Variants in SUPT3H observed in about 807,000 individuals in gnomAD.
The protein encoded by SUPT3H is transcription initiation protein SPT3 homolog.
In SUPT3H, 44 loss-of-function variants were observed where a neutral mutation model predicts 44.3. The ratio of observed to expected loss-of-function variants is 0.99; its 90% CI spans 0.78 to 1.28. The LOEUF (loss-of-function observed/expected upper bound fraction) is 1.28, where lower values mean the gene tolerates loss of function less well. SUPT3H is among the 50% of genes most tolerant of loss of function. The pLI is 0.00. For synonymous variants in SUPT3H, 124 were observed against 125.6 expected, an observed-to-expected ratio of 0.99 and a Z score of 0.09; for missense variants, 380 against 387.1, an observed-to-expected ratio of 0.98 and a Z score of 0.15.
chr6:45,011,676 C>T (rs1421794565), intron 5 of SUPT3H, among the ~76,000 whole-genome samples: 2 of 152,002 alleles, frequency 1.3e-5, no homozygotes. Flanking sequence ...TACAATTATA[C>T]TATCTCTTAT....
intron 10 of SUPT3H, among the ~76,000 whole-genome samples, chr6:44,913,986 T>G (rs563580201): frequency 1.1e-4 from 16 of 152,192 alleles, no homozygotes; most frequent in African/African-American, 3.8e-4. Context: ...AATAGTCACA[T>G]GAGTAAAATC....
chr6:45,219,064 A>G (rs2153634476), intron 2 of SUPT3H, among the ~76,000 whole-genome samples: 1 of 152,286 alleles, frequency 6.6e-6, no homozygotes, highest in Non-Finnish European at 1.5e-5. Context: ...GAATGAAAAT[A>G]AAAAGACAAC....
At chr6:45,145,570 A>T (rs1805913689) in intron 2 of SUPT3H, among the ~76,000 whole-genome samples, 1 of 152,170 alleles carries the variant, frequency 6.6e-6, no homozygotes, top group African/African-American at 2.4e-5. Flanking sequence ...GGATTCCAGA[A>T]AATAACATTA....
At chr6:45,080,060 T>C (rs1370894250) in intron 3 of SUPT3H, among the ~76,000 whole-genome samples, 1 of 151,758 alleles carries the variant, frequency 6.6e-6, no homozygotes, top group African/African-American at 2.4e-5. Flanking sequence ...CTCACAAGGG[T>C]TCAATAACCA....
chr6:45,205,672 C>T (rs1763114296), intron 2 of SUPT3H, among the ~76,000 whole-genome samples: 1 of 152,014 alleles, frequency 6.6e-6, no homozygotes, highest in South Asian at 2.1e-4. Context: ...TGGCAAGTGC[C>T]TGTAATCCTA....
At chr6:44,971,481 G>C (rs1233242432) in intron 6 of SUPT3H, among the ~76,000 whole-genome samples, 1 of 152,148 alleles carries the variant, frequency 6.6e-6, no homozygotes, top group Non-Finnish European at 1.5e-5. Context: ...TGGCAGGAAG[G>C]AGAAGTGCCA....
chr6:45,155,126 C>T (rs534424425), intron 2 of SUPT3H, among the ~76,000 whole-genome samples: 14 of 152,254 alleles, frequency 9.2e-5, no homozygotes, highest in African/African-American at 3.1e-4. Context: ...CTCTAACTTC[C>T]TATTTCAAAT....
In SUPT3H at chr6:45,320,722, C is replaced by T. The variant is rs531280119; in HGVS notation, c.101+44479G>A. ...CCCACAAAGCCAAAAATATTTACTA[C>T]CTGGCCTTTTAGAAAAAGTGTGTCA... On this transcript the variant is annotated intron_variant, in intron 2 of 10. Transcript: ENST00000371459. Among the ~76,000 whole-genome samples the T allele has an allele frequency of 3.9e-5, 6 of 152,262 alleles. No individual in the cohort carries two copies. In the South Asian group the frequency reaches 1.0e-3, roughly 26 times the overall value.
intron 2 of SUPT3H, among the ~76,000 whole-genome samples, chr6:45,203,431 A>G (rs1762728361): frequency 6.6e-6 from 1 of 152,162 alleles, no homozygotes; most frequent in Non-Finnish European, 1.5e-5. Context: ...ACCACCTGTT[A>G]TTCAGACTAT....
intron 6 of SUPT3H, among the ~76,000 whole-genome samples, chr6:44,972,430 T>G (rs1582835284): frequency 6.6e-6 from 1 of 152,182 alleles, no homozygotes; most frequent in Non-Finnish European, 1.5e-5. Flanking sequence ...TGTGGCTTTG[T>G]AGGGCACAGC....
rs377621389 is a variant in SUPT3H at position 44,839,924 on chromosome 6, TCTC to T, written c.913-10070_913-10068del. On this transcript the variant is annotated intron_variant, in intron 10 of 10. Coordinates refer to ENST00000371459, the MANE Select transcript of SUPT3H (RefSeq NM_003599.4). The stretch of plus-strand genomic sequence containing the variant: ...ACCGTGTTAGCCAGGATGGTCTCGA[TCTC>T]CTGACCTCGTGATCCGCCCGCCTTG... Among the ~76,000 whole-genome samples the T allele has an allele frequency of 0.011, 1,712 of 149,834 alleles. 92 individuals carry two copies. The East Asian group carries it at 0.13, about 11-fold the overall frequency.
At chr6:44,851,582 G>C (rs3799971) in intron 10 of SUPT3H, among the ~76,000 whole-genome samples, 63,528 of 151,990 alleles carry the variant, frequency 0.42, 13,632 homozygotes, top group East Asian at 0.7. Flanking sequence ...AGGTCTCCTT[G>C]GAGAAACTTG....
chr6:44,987,760 G>A (rs1005571732), intron 6 of SUPT3H, among the ~76,000 whole-genome samples: 10 of 151,986 alleles, frequency 6.6e-5, no homozygotes, highest in Non-Finnish European at 1.2e-4. Context: ...AATGTATGTC[G>A]GTGCTCTGGT....
At chr6:45,068,608 AATC>A (rs1793836332) in intron 3 of SUPT3H, among the ~76,000 whole-genome samples, 1 of 152,204 alleles carries the variant, frequency 6.6e-6, no homozygotes, top group Non-Finnish European at 1.5e-5. Flanking sequence ...TATTTTTGGC[AATC>A]ATAAGATACT....
intron 10 of SUPT3H, among the ~76,000 whole-genome samples, chr6:44,912,861 C>A (rs535591846): frequency 1.3e-5 from 2 of 152,288 alleles, no homozygotes; most frequent in African/African-American, 2.4e-5. Flanking sequence ...GGTGAGGAGG[C>A]ACCATAGATG....
intron 2 of SUPT3H, among the ~76,000 whole-genome samples, chr6:45,271,605 C>T (rs563644579): frequency 2.0e-5 from 3 of 152,166 alleles, no homozygotes; most frequent in East Asian, 1.9e-4. Context: ...GCAGTAGGGG[C>T]AGGGCCCTCA....
At chr6:45,369,430 T>G (rs1382943210) in intron 1 of SUPT3H, among the ~76,000 whole-genome samples, 2 of 152,312 alleles carry the variant, frequency 1.3e-5, no homozygotes, top group Non-Finnish European at 2.9e-5. Flanking sequence ...ATTAAATTAC[T>G]TTAGTGCATA....
intron 6 of SUPT3H, among the ~76,000 whole-genome samples, chr6:44,968,264 T>C (rs572224134): frequency 2.0e-5 from 3 of 152,320 alleles, no homozygotes; most frequent in East Asian, 3.9e-4. Context: ...AATGGAGTGG[T>C]TGGCAGCAGC....
At position 44,842,766 on chromosome 6, in the gene SUPT3H, G is replaced by C. The variant is rs79589288; in HGVS notation, c.913-12909C>G. 5.4e-3 allele frequency among the ~76,000 whole-genome samples: 826 copies of C among 152,278 alleles called. 4 individuals carry two copies. Among genetic ancestry groups the C allele is most frequent in the African/African-American group, 0.019 (778 of 41,546 alleles). The stretch of plus-strand genomic sequence containing the variant: ...TATTTATCCAGTCTCCTGTGAGACA[G>C]AAGGGACCATTTATTACATTACTAT... On this transcript the variant is annotated intron_variant, in intron 10 of 10. Transcript: ENST00000371459.
Sources: allele counts gnomAD v4.1 joint callset (sites outside exome capture counted in the v4.1 genomes callset), GRCh38; gene constraint gnomAD v4.1.1; transcripts MANE v1.5; gene names NCBI Gene and HGNC (gene_info 2026-07-23, HGNC 2026-07-21).